Variants in SERGEF observed in about 807,000 individuals in gnomAD.
SERGEF encodes secretion regulating guanine nucleotide exchange factor, also known as secretion-regulating guanine nucleotide exchange factor.
A neutral mutation model predicts 50.0 loss-of-function variants in SERGEF; 51 were observed. The observed-to-expected ratio is 1.02, with a 90% CI of 0.81 to 1.29. The LOEUF is 1.29. SERGEF is among the 50% of genes most tolerant of loss of function. The pLI is 0.00. For synonymous variants in SERGEF, 205 were observed against 212.4 expected (o/e 0.97, Z 0.30); for missense variants, 521 against 557.0 (o/e 0.94, Z 0.65).
rs2237940 is a variant in SERGEF at position 17,850,739 on chromosome 11, A to T, written c.1048+27469T>A. 7.9e-4 allele frequency among the ~76,000 whole-genome samples: 120 copies of T among 152,226 alleles called. No individual in the cohort carries two copies. In the East Asian group the frequency reaches 0.02, roughly 26 times the overall value. On this transcript the variant is annotated intron_variant, in intron 10 of 10. Coordinates refer to ENST00000265965, the MANE Select transcript of SERGEF (RefSeq NM_012139.4). Reference sequence around the variant, plus strand: ...TCATGGCTCCCTGGGATATTTTCCCACTCTATCACATATATGTATGCATTT... The same window carrying T: ...TCATGGCTCCCTGGGATATTTTCCCTCTCTATCACATATATGTATGCATTT...
intron 8 of SERGEF, 62 bp downstream of exon 8, chr11:17,988,535 C>T: frequency 6.4e-7 from 1 of 1,551,648 alleles, no homozygotes; most frequent in Non-Finnish European, 8.8e-7. Flanking sequence ...GCACTCATGG[C>T]TGCTTAGACA....
intron 10 of SERGEF, among the ~76,000 whole-genome samples, chr11:17,871,456 A>T: frequency 1.1e-5 from 1 of 95,004 alleles, no homozygotes; most frequent in Admixed American, 1.2e-4. Context: ...GCGAGACTCC[A>T]TCTCAAAAAA....
At chr11:17,965,520 T>C (rs565737208) in intron 8 of SERGEF, among the ~76,000 whole-genome samples, 2 of 152,146 alleles carry the variant, frequency 1.3e-5, no homozygotes, top group Non-Finnish European at 2.9e-5. Flanking sequence ...TCAACTCAGA[T>C]CAGGTTCCTC....
At chr11:18,011,805 A>T (rs1590253761) in intron 1 of SERGEF, among the ~76,000 whole-genome samples, 1 of 151,414 alleles carries the variant, frequency 6.6e-6, no homozygotes, top group African/African-American at 2.4e-5. Context: ...CCCCAACTCC[A>T]CCCCCAGCTC....
chr11:17,946,701 CT>C (rs1301090852), intron 9 of SERGEF, among the ~76,000 whole-genome samples: 1 of 152,298 alleles, frequency 6.6e-6, no homozygotes, highest in Admixed American at 6.5e-5. Flanking sequence ...ATTTGCACGC[CT>C]CTGTGTTCTC....
intron 9 of SERGEF, among the ~76,000 whole-genome samples, chr11:17,949,525 C>T (rs575929504): frequency 5.3e-5 from 8 of 152,156 alleles, no homozygotes; most frequent in South Asian, 2.1e-4. Flanking sequence ...CCAATCCCTG[C>T]GCAATGGGAC....
chr11:17,874,855 C>A (rs1851212586), intron 10 of SERGEF, among the ~76,000 whole-genome samples: 1 of 151,846 alleles, frequency 6.6e-6, no homozygotes, highest in African/African-American at 2.4e-5. Flanking sequence ...GGGAAAGACA[C>A]TTCCTTCTCT....
chr11:17,972,483 G>A (rs1249601769), intron 8 of SERGEF, among the ~76,000 whole-genome samples: 1 of 152,174 alleles, frequency 6.6e-6, no homozygotes, highest in African/African-American at 2.4e-5. Context: ...AGGCTCAGAA[G>A]ATTTGCATTT....
chr11:17,952,455 C>A (rs1852789883), intron 9 of SERGEF, among the ~76,000 whole-genome samples: 1 of 152,160 alleles, frequency 6.6e-6, no homozygotes, highest in South Asian at 2.1e-4. Context: ...TCAGAACTGG[C>A]CCCTTCACAG....
Position 17,966,157 on chromosome 11 carries a change from AT to A in SERGEF, c.845-6522del, listed in dbSNP as rs3216311. 7.4e-4 allele frequency among the ~76,000 whole-genome samples: 112 copies of A among 150,842 alleles called. No individual in the cohort carries two copies. The East Asian group carries it at 0.018, about 24-fold the overall frequency. ...TTGAAAGCTCTATCATGGAATTTTG[AT>A]TTTTTTTTTAAGATTCAAGCATAGT... On this transcript the variant is annotated intron_variant, in intron 8 of 10. Transcript: ENST00000265965.
chr11:17,981,070 C>A (rs1336993994), intron 8 of SERGEF, among the ~76,000 whole-genome samples: 1 of 152,174 alleles, frequency 6.6e-6, no homozygotes, highest in Non-Finnish European at 1.5e-5. Context: ...CCTTCCCTGA[C>A]CAACTTCACC....
chr11:17,988,552 C>T lies in SERGEF; in HGVS notation c.844+45G>A, dbSNP rs374405411. ...ACTCATGGCTGCTTAGACAGCTGTC[C>T]CCCAGCTGCTCTTACCAACCGTAAG... is the stretch of plus-strand genomic sequence containing the variant. On this transcript the variant is annotated intron_variant, in intron 8 of 10. Coordinates refer to ENST00000265965, the MANE Select transcript of SERGEF (RefSeq NM_012139.4). 1.9e-5 allele frequency: 31 copies of T among 1,595,664 alleles called. No individual in the cohort carries two copies. The African/African-American group carries it at 3.8e-4, about 19-fold the overall frequency.
intron 10 of SERGEF, among the ~76,000 whole-genome samples, chr11:17,835,620 C>T (rs948027895): frequency 8.5e-5 from 13 of 152,176 alleles, no homozygotes; most frequent in Non-Finnish European, 1.3e-4. Context: ...AGCACAAAAC[C>T]TTGCTCATAG....
At chr11:17,876,898 C>T (rs1334571528) in intron 10 of SERGEF, among the ~76,000 whole-genome samples, 1 of 152,236 alleles carries the variant, frequency 6.6e-6, no homozygotes, top group Non-Finnish European at 1.5e-5. Flanking sequence ...GTATCTGGTC[C>T]TGCTGCAAAG....
At position 17,950,728 on chromosome 11, in the gene SERGEF, A is replaced by C. The variant is rs537483130; in HGVS notation, c.1011+8742T>G. Reference sequence around the variant, plus strand: ...AGAATTGCTCTCAGCAGACCACTGAAGCCTCCTTTAAATCCTCATTGCCTT... The same window carrying C: ...AGAATTGCTCTCAGCAGACCACTGACGCCTCCTTTAAATCCTCATTGCCTT... On this transcript the variant is annotated intron_variant, in intron 9 of 10. Coordinates refer to ENST00000265965, the MANE Select transcript of SERGEF (RefSeq NM_012139.4). Among the ~76,000 whole-genome samples, 439 of 152,318 alleles carry C rather than the reference A, an allele frequency of 2.9e-3. 4 individuals carry two copies. Among genetic ancestry groups the C allele is most frequent in the African/African-American group, 9.8e-3 (408 of 41,566 alleles).
chr11:17,914,017 C>T (rs544495396), intron 9 of SERGEF, among the ~76,000 whole-genome samples: 8 of 152,332 alleles, frequency 5.3e-5, no homozygotes, highest in Non-Finnish European at 1.0e-4. Context: ...ATCCTATAGC[C>T]TGGCATTAAA....
chr11:17,966,820 G>T lies in SERGEF; in HGVS notation c.845-7184C>A, dbSNP rs554395303. ...AAGGGGAGAAAAAAGCCCGCAAAGA[G>T]AATGAACAAAAGTTGAAAGGTTGGG... On this transcript the variant is annotated intron_variant, in intron 8 of 10. Transcript: ENST00000265965. 1.6e-4 allele frequency among the ~76,000 whole-genome samples: 24 copies of T among 152,280 alleles called. No homozygotes were observed. In the South Asian group the frequency reaches 4.8e-3, roughly 30 times the overall value.
chr11:18,002,513 T>C (rs548990308), intron 4 of SERGEF, among the ~76,000 whole-genome samples: 3 of 152,332 alleles, frequency 2.0e-5, no homozygotes, highest in African/African-American at 7.2e-5. Context: ...CATGGTTCCT[T>C]CTGCCTAGAA....
chr11:17,960,524 C>T (rs1022884585), intron 8 of SERGEF, among the ~76,000 whole-genome samples: 1 of 152,084 alleles, frequency 6.6e-6, no homozygotes, highest in Non-Finnish European at 1.5e-5. Context: ...TGTATAAATT[C>T]TTTATACATG....
Sources: allele counts gnomAD v4.1 joint callset (sites outside exome capture counted in the v4.1 genomes callset), GRCh38; gene constraint gnomAD v4.1.1; transcripts MANE v1.5; gene names NCBI Gene and HGNC (gene_info 2026-07-23, HGNC 2026-07-21).